Variants in MCPH1 observed in about 807,000 individuals in gnomAD.
The protein encoded by MCPH1 is microcephalin.
In MCPH1, 104 loss-of-function variants were observed where a neutral mutation model predicts 84.5. The ratio of observed to expected loss-of-function variants is 1.23; its 90% CI spans 1.05 to 1.45. The LOEUF (loss-of-function observed/expected upper bound fraction) is 1.45, where lower values mean the gene tolerates loss of function less well. MCPH1 is among the 40% of genes most tolerant of loss of function. The pLI, the probability that MCPH1 is intolerant of heterozygous loss-of-function variation, is 0.00. For synonymous variants in MCPH1, 514 were observed against 366.8 expected (o/e 1.40, Z -4.58); for missense variants, 1,498 against 1,005.7 (o/e 1.49, Z -6.62).
chr8:6,617,945 T>TCTATCTATCTA (rs1563197129), intron 12 of MCPH1, among the ~76,000 whole-genome samples: 1 of 28,816 alleles, frequency 3.5e-5, no homozygotes, highest in South Asian at 1.1e-3. Context: ...CTATCTATCT[T>TCTATCTATCTA]TCTATCTATC....
At chr8:6,540,761 G>A (rs1200675113) in intron 12 of MCPH1, among the ~76,000 whole-genome samples, 4 of 152,402 alleles carry the variant, frequency 2.6e-5, no homozygotes, top group Middle Eastern at 3.4e-3. Context: ...AGGCAGGCAT[G>A]CAGGAAGTTT....
intron 12 of MCPH1, among the ~76,000 whole-genome samples, chr8:6,578,509 A>G (rs1174170366): frequency 1.3e-5 from 2 of 152,232 alleles, no homozygotes; most frequent in Non-Finnish European, 2.9e-5. Context: ...AGGGAAAAAT[A>G]CTTGATCATT....
chr8:6,415,904 G>A (rs1799216158), intron 3 of MCPH1, among the ~76,000 whole-genome samples: 1 of 152,238 alleles, frequency 6.6e-6, no homozygotes, highest in South Asian at 2.1e-4. Flanking sequence ...TTAGGGAAGT[G>A]TTCATAATAT....
chr8:6,571,866 A>C (rs1405480560), intron 12 of MCPH1, among the ~76,000 whole-genome samples: 1 of 152,176 alleles, frequency 6.6e-6, no homozygotes, highest in Non-Finnish European at 1.5e-5. Context: ...CATAAAAGGA[A>C]GTGATGTTTG....
chr8:6,540,031 G>C, intron 12 of MCPH1, among the ~76,000 whole-genome samples: 1 of 152,174 alleles, frequency 6.6e-6, no homozygotes, highest in East Asian at 1.9e-4. Context: ...GTGGGCCTCA[G>C]CTGGTGGCAT....
At chr8:6,417,372 A>G (rs1186164336) in intron 3 of MCPH1, among the ~76,000 whole-genome samples, 4 of 146,652 alleles carry the variant, frequency 2.7e-5, no homozygotes, top group Admixed American at 7.1e-5. Flanking sequence ...GAAAATAAGT[A>G]AACAAATGCT....
At chr8:6,507,173 C>A (rs1265662935) in intron 12 of MCPH1, among the ~76,000 whole-genome samples, 1 of 152,214 alleles carries the variant, frequency 6.6e-6, no homozygotes, top group Non-Finnish European at 1.5e-5. Context: ...GCTGGGATTA[C>A]AAGCGGGGGC....
rs752889490 is a variant in MCPH1 at position 6,646,170 on chromosome 8, A to C, written c.*3121A>C. 15 of 152,212 alleles carry C rather than the reference A, an allele frequency of 9.9e-5. No individual in the cohort carries two copies. The highest frequency in any genetic ancestry group is 1.5e-4 in the Non-Finnish European group (10 of 68,044). 9.4% of individuals were successfully genotyped at this position (152,212 alleles called of 1,614,324 possible). ...CCAGGTGCCGTGGCTCACATCTGTA[A>C]TACCAGCTCTCTGGGAGGCTGAGGC... On this transcript the variant is annotated 3_prime_UTR_variant, in exon 14 of 14. Transcript: ENST00000344683.
At chr8:6,490,497 G>A (rs1489622897) in intron 11 of MCPH1, among the ~76,000 whole-genome samples, 1 of 152,174 alleles carries the variant, frequency 6.6e-6, no homozygotes, top group African/African-American at 2.4e-5. Flanking sequence ...CTGTGTGTAA[G>A]CACCCTCTGT....
At chr8:6,598,893 C>T (rs562377762) in intron 12 of MCPH1, among the ~76,000 whole-genome samples, 69 of 152,380 alleles carry the variant, frequency 4.5e-4, no homozygotes, top group African/African-American at 1.6e-3. Flanking sequence ...GCATTGCTCT[C>T]ATCTCAGCTC....
chr8:6,428,526 C>T (rs907856540), intron 3 of MCPH1, among the ~76,000 whole-genome samples: 3 of 152,244 alleles, frequency 2.0e-5, no homozygotes, highest in African/African-American at 7.2e-5. Flanking sequence ...CCCCTATTCT[C>T]CCGCCAGCCA....
intron 7 of MCPH1, among the ~76,000 whole-genome samples, chr8:6,444,132 T>G (rs1803910492): frequency 6.6e-6 from 1 of 152,200 alleles, no homozygotes; most frequent in African/African-American, 2.4e-5. Flanking sequence ...TATGGAAATT[T>G]GCCTAAAATT....
rs1364823664 is a variant in MCPH1, at chr8:6,620,958, C to T, written c.2215-496C>T. 3 of 189,612 alleles carry T rather than the reference C, an allele frequency of 1.6e-5. No homozygotes were observed. In the East Asian group the frequency reaches 4.3e-4, roughly 27 times the overall value. 11.7% of individuals were successfully genotyped at this position (189,612 alleles called of 1,614,324 possible). A position where few individuals can be genotyped will look rare whatever the true frequency, so the allele number is the denominator to read the frequency against. ...TTGCCTCACTCTCCCTTTCCCCGTCCAGACCATGGTATTGGATTTACAGCA... is the reference window on the plus strand; with the variant it reads ...TTGCCTCACTCTCCCTTTCCCCGTCTAGACCATGGTATTGGATTTACAGCA... On this transcript the variant is annotated intron_variant, in intron 12 of 13. Coordinates refer to ENST00000344683, the MANE Select transcript of MCPH1 (RefSeq NM_024596.5).
intron 12 of MCPH1, among the ~76,000 whole-genome samples, chr8:6,512,372 A>G (rs1020064348): frequency 3.3e-5 from 5 of 152,184 alleles, no homozygotes; most frequent in Admixed American, 6.5e-5. Context: ...CAGGTCGTGG[A>G]GCGGAGTGTC....
intron 9 of MCPH1, among the ~76,000 whole-genome samples, chr8:6,466,127 GGATTTTTTTTT>G (rs1296634167): frequency 1.6e-5 from 2 of 125,180 alleles, no homozygotes; most frequent in African/African-American, 6.3e-5. Context: ...GCTAATTTTT[GGATTTTTTTTT>G]TTTTTTTTTT....
chr8:6,435,445 T>C (rs1247637812), intron 4 of MCPH1, among the ~76,000 whole-genome samples: 2 of 152,170 alleles, frequency 1.3e-5, no homozygotes, highest in Admixed American at 6.5e-5. Flanking sequence ...AAACAAAGTG[T>C]GATCTGATTG....
chr8:6,536,340 C>A (rs574342989), intron 12 of MCPH1, among the ~76,000 whole-genome samples: 1 of 152,254 alleles, frequency 6.6e-6, no homozygotes, highest in African/African-American at 2.4e-5. Flanking sequence ...GGGCTGAGCA[C>A]TGGAATGACC....
intron 12 of MCPH1, among the ~76,000 whole-genome samples, chr8:6,519,637 A>G (rs1463697668): frequency 6.6e-6 from 1 of 152,228 alleles, no homozygotes; most frequent in Non-Finnish European, 1.5e-5. Flanking sequence ...AAGATAAGAT[A>G]GACATTTCTA....
intron 3 of MCPH1, among the ~76,000 whole-genome samples, chr8:6,417,315 GT>G (rs1407007365): frequency 6.6e-6 from 1 of 152,156 alleles, no homozygotes; most frequent in African/African-American, 2.4e-5. Flanking sequence ...GGGCCATATG[GT>G]CTCTGCTCAA....
Sources: allele counts gnomAD v4.1 joint callset (sites outside exome capture counted in the v4.1 genomes callset), GRCh38; gene constraint gnomAD v4.1.1; transcripts MANE v1.5; gene names NCBI Gene and HGNC (gene_info 2026-07-23, HGNC 2026-07-21).